EYA1: variants seen among roughly 807,000 people sequenced by gnomAD.
EYA1 encodes the protein EYA transcriptional coactivator and phosphatase 1.
In EYA1, 16 loss-of-function variants were observed where a neutral mutation model predicts 82.0. That is an observed-to-expected ratio of 0.20 (90% confidence interval 0.13 to 0.30). EYA1 has a LOEUF of 0.30. Ranked by LOEUF, EYA1 falls within the 10% of genes least tolerant of loss-of-function variation. The pLI, the probability that EYA1 is intolerant of heterozygous loss-of-function variation, is 1.00. For missense variants in EYA1, 633 were observed against 730.7 expected, an observed-to-expected ratio of 0.87 and a Z score of 1.54; for synonymous variants, 261 against 264.4, an observed-to-expected ratio of 0.99 and a Z score of 0.12.
chr8:71,306,538 G>T (rs1041361804), intron 7 of EYA1, among the ~76,000 whole-genome samples: 2 of 152,030 alleles, frequency 1.3e-5, no homozygotes, highest in African/African-American at 4.8e-5. Flanking sequence ...TGGGATGGGG[G>T]TGCTCAGGAG....
chr8:71,221,220 T>G (rs1218047962), intron 12 of EYA1, among the ~76,000 whole-genome samples: 1 of 151,458 alleles, frequency 6.6e-6, no homozygotes, highest in Non-Finnish European at 1.5e-5. Context: ...TGGAGATGGT[T>G]CCTAACAACT....
intron 2 of EYA1, among the ~76,000 whole-genome samples, chr8:71,510,145 A>G (rs932874064): frequency 1.3e-5 from 2 of 152,148 alleles, no homozygotes; most frequent in South Asian, 4.1e-4. Context: ...ATACTAGCAG[A>G]GGCTTTAAAT....
chr8:71,262,324 T>G (rs75706600), intron 11 of EYA1, among the ~76,000 whole-genome samples: 28 of 152,330 alleles, frequency 1.8e-4, no homozygotes, highest in Non-Finnish European at 3.8e-4. Context: ...CTATTTACCC[T>G]TTTTGCTTAT....
intron 9 of EYA1, among the ~76,000 whole-genome samples, chr8:71,276,222 TAAAC>T (rs1817152859): frequency 6.6e-6 from 1 of 152,362 alleles, no homozygotes; most frequent in South Asian, 2.1e-4. Flanking sequence ...GCACTAATAA[TAAAC>T]AGTTAGTGGA....
chr8:71,298,710 T>C lies in EYA1; in HGVS notation c.826+337A>G, dbSNP rs1586241717. Reference sequence around the variant, plus strand: ...AAATGCCAAATTCTAGGCATTGCCATTTTATGCTCTATATGTGGTGCCAAT... The same window carrying C: ...AAATGCCAAATTCTAGGCATTGCCACTTTATGCTCTATATGTGGTGCCAAT... On this transcript the variant is annotated intron_variant, in intron 9 of 17. Coordinates refer to ENST00000340726, the MANE Select transcript of EYA1 (RefSeq NM_000503.6). 8.5e-5 allele frequency among the ~76,000 whole-genome samples: 13 copies of C among 152,320 alleles called. No individual in the cohort carries two copies. In the South Asian group the frequency reaches 2.7e-3, roughly 32 times the overall value.
chr8:71,498,070 G>T (rs950264720), intron 2 of EYA1, among the ~76,000 whole-genome samples: 3 of 151,900 alleles, frequency 2.0e-5, no homozygotes, highest in African/African-American at 7.2e-5. Context: ...AGGTTGCTGG[G>T]GGGATGTTAA....
chr8:71,394,029 C>G (rs982216716), intron 2 of EYA1, among the ~76,000 whole-genome samples: 6 of 152,166 alleles, frequency 3.9e-5, no homozygotes, highest in African/African-American at 1.4e-4. Context: ...ATTTGCATTT[C>G]TCTGATGGCC....
intron 4 of EYA1, among the ~76,000 whole-genome samples, chr8:71,328,468 C>T (rs187658616): frequency 6.6e-6 from 1 of 152,294 alleles, no homozygotes; most frequent in African/African-American, 2.4e-5. Context: ...AAAACAAGAT[C>T]CTTTACAGCT....
intron 9 of EYA1, among the ~76,000 whole-genome samples, chr8:71,287,419 C>T (rs1818510448): frequency 6.6e-6 from 1 of 152,126 alleles, no homozygotes. Context: ...AGCCATTATT[C>T]CCTGTTCACG....
At chr8:71,407,672 A>C (rs1830335309) in intron 2 of EYA1, among the ~76,000 whole-genome samples, 1 of 119,950 alleles carries the variant, frequency 8.3e-6, no homozygotes, top group African/African-American at 3.6e-5. Context: ...AGTTTAGAGA[A>C]AAAAGAATAA....
intron 16 of EYA1, among the ~76,000 whole-genome samples, chr8:71,212,946 G>A (rs1317420764): frequency 6.6e-6 from 1 of 152,096 alleles, no homozygotes; most frequent in Non-Finnish European, 1.5e-5. Context: ...GCATGGTGGT[G>A]TGTGCCTGTA....
chr8:71,322,072 G>A (rs961767682), intron 5 of EYA1, 127 bp downstream of exon 5: 8 of 1,094,526 alleles, frequency 7.3e-6, no homozygotes, highest in African/African-American at 6.2e-5. Flanking sequence ...GTATCAATAT[G>A]TTTACATCTC....
chr8:71,299,497 A>T (rs1345888106), intron 8 of EYA1, 141 bp downstream of exon 8: 2 of 708,810 alleles, frequency 2.8e-6, no homozygotes, highest in African/African-American at 3.6e-5. Context: ...TCACCACAAA[A>T]GACTGCTAAA....
At chr8:71,284,081 C>A (rs11786282) in intron 9 of EYA1, among the ~76,000 whole-genome samples, 13,965 of 152,044 alleles carry the variant, frequency 0.092, 858 homozygotes, top group South Asian at 0.2. Flanking sequence ...ATTGTTTCTC[C>A]AAGCCGTAAG....
At chr8:71,256,674 A>T (rs952908171) in intron 11 of EYA1, among the ~76,000 whole-genome samples, 1 of 152,234 alleles carries the variant, frequency 6.6e-6, no homozygotes, top group Admixed American at 6.5e-5. Flanking sequence ...ATGGTTAAGA[A>T]GGTAAAATTT....
chr8:71,322,809 A>G (rs1006710529), intron 4 of EYA1, among the ~76,000 whole-genome samples: 18 of 152,196 alleles, frequency 1.2e-4, no homozygotes, highest in Non-Finnish European at 1.8e-4. Context: ...TTTAGTAAAA[A>G]TGCGTTCCTA....
intron 2 of EYA1, among the ~76,000 whole-genome samples, chr8:71,426,678 T>C (rs6988028): frequency 0.27 from 41,476 of 152,166 alleles, 5,962 homozygotes; most frequent in Middle Eastern, 0.34. Context: ...AATAGAGATC[T>C]AGTTTACTCA....
At chr8:71,432,913 T>C (rs529533930) in intron 2 of EYA1, among the ~76,000 whole-genome samples, 45 of 152,304 alleles carry the variant, frequency 3.0e-4, no homozygotes, top group East Asian at 1.5e-3. Flanking sequence ...CATTTTAAGT[T>C]GCTGTAGATG....
intron 2 of EYA1, among the ~76,000 whole-genome samples, chr8:71,498,386 G>A (rs985032830): frequency 6.6e-6 from 1 of 152,124 alleles, no homozygotes; most frequent in Non-Finnish European, 1.5e-5. Context: ...TTAGTCTCTT[G>A]CCATGAGAGA....
Sources: gnomAD v4.1 joint callset for allele counts (sites outside exome capture counted in the v4.1 genomes callset) on GRCh38, gnomAD v4.1.1 for gene constraint, MANE v1.5 for transcripts, NCBI Gene and HGNC (gene_info 2026-07-23, HGNC 2026-07-21) for gene names.